Variants in PTPN1 observed in about 807,000 individuals in gnomAD.
The protein encoded by PTPN1 is tyrosine-protein phosphatase non-receptor type 1.
In PTPN1, 12 loss-of-function variants were observed where a neutral mutation model predicts 59.9. That is an observed-to-expected ratio of 0.20 (90% confidence interval 0.13 to 0.32). The LOEUF (loss-of-function observed/expected upper bound fraction) is 0.32. Among genes scored for constraint, PTPN1 ranks in the 10% least tolerant of loss-of-function variants. The pLI is 1.00. For missense variants in PTPN1, 356 were observed against 549.2 expected, an observed-to-expected ratio of 0.65 and a Z score of 3.52; for synonymous variants, 178 against 203.6, an observed-to-expected ratio of 0.87 and a Z score of 1.07.
chr20:50,512,213 A>G (rs1230799522), intron 1 of PTPN1, among the ~76,000 whole-genome samples: 1 of 152,222 alleles, frequency 6.6e-6, no homozygotes, highest in Non-Finnish European at 1.5e-5. Context: ...AATTTTCTGC[A>G]TCAGTTTAAT....
At chr20:50,534,969 A>T (rs2082617874) in intron 1 of PTPN1, among the ~76,000 whole-genome samples, 1 of 152,112 alleles carries the variant, frequency 6.6e-6, no homozygotes, top group Non-Finnish European at 1.5e-5. Flanking sequence ...CTTCAGGCGG[A>T]ACTCCTGCCT....
intron 9 of PTPN1, among the ~76,000 whole-genome samples, chr20:50,581,849 CA>C (rs202045099): frequency 2.0e-5 from 3 of 147,576 alleles, no homozygotes; most frequent in East Asian, 2.0e-4. Flanking sequence ...ATTTCTGGAA[CA>C]AAAAAAAACA....
intron 1 of PTPN1, among the ~76,000 whole-genome samples, chr20:50,560,994 G>C (rs990983259): frequency 2.0e-4 from 30 of 152,182 alleles, no homozygotes; most frequent in African/African-American, 5.8e-4. Flanking sequence ...AAGGCTCTCT[G>C]AGATCTGGGC....
intron 1 of PTPN1, among the ~76,000 whole-genome samples, chr20:50,541,282 C>T (rs1279357281): frequency 1.3e-5 from 2 of 152,184 alleles, no homozygotes; most frequent in Non-Finnish European, 2.9e-5. Flanking sequence ...TTTTGTTTGC[C>T]ATCGTCATCA....
intron 4 of PTPN1, 40 bp from the exon 5 acceptor site, chr20:50,574,477 C>T: frequency 1.9e-6 from 3 of 1,542,998 alleles, no homozygotes; most frequent in African/African-American, 1.4e-5. Context: ...GAAAAACTGC[C>T]ATATTGCTCA....
chr20:50,517,345 C>T (rs2082533116), intron 1 of PTPN1, among the ~76,000 whole-genome samples: 1 of 152,166 alleles, frequency 6.6e-6, no homozygotes, highest in South Asian at 2.1e-4. Context: ...ACCTCCACCT[C>T]CTGGGCTCAA....
At chr20:50,519,727 C>T (rs774578040) in intron 1 of PTPN1, among the ~76,000 whole-genome samples, 3 of 152,282 alleles carry the variant, frequency 2.0e-5, no homozygotes, top group Admixed American at 6.5e-5. Flanking sequence ...ACAGTGTCAT[C>T]GTTTGGCAGT....
In PTPN1 at chr20:50,582,878, G is replaced by A; in HGVS notation, c.*163G>A. ...GCACTAAAACCCATCTTCCCCGGAT[G>A]TGTGTCTCACCCCTCATCCTTTTAC... On this transcript the variant is annotated 3_prime_UTR_variant, in exon 10 of 10. Coordinates refer to ENST00000371621, the MANE Select transcript of PTPN1 (RefSeq NM_002827.4). The surrounding 1 kb of genome is among the most constrained non-coding windows in gnomAD (Gnocchi z 4.2). 1 of 761,202 alleles carries A rather than the reference G, an allele frequency of 1.3e-6. No homozygotes were observed. The highest frequency in any genetic ancestry group is 2.2e-6 in the Non-Finnish European group (1 of 459,814). The allele number at this position is 761,202 out of a possible 1,614,324, so 47.2% of individuals were successfully genotyped here. A position where few individuals can be genotyped will look rare whatever the true frequency, so the allele number is the denominator to read the frequency against.
rs2122804930 is a variant in PTPN1, at chr20:50,579,797, A to G, written c.959A>G (p.His320Arg). 6.2e-7 allele frequency: 1 copy of G among 1,614,108 alleles called. No individual in the cohort carries two copies. Among genetic ancestry groups the G allele is most frequent in the Non-Finnish European group, 8.5e-7 (1 of 1,180,002 alleles). ...PRPPKRILEP[H>R]NGKCREFFPN... ...CCACCCAAACGAATCCTGGAGCCAC[A>G]CAATGGGAAATGCAGGGAGTTCTTC... The change falls in exon 8 of 10, where the codon CAC (histidine) becomes CGC (arginine). Residue 320 changes from histidine (H) to arginine (R), a missense_variant. His to Arg is a conservative substitution (Grantham distance 29). This residue lies in a region of PTPN1 where 100 missense variants were observed against 107.7 expected (regional missense o/e 0.93). Transcript: ENST00000371621.
chr20:50,547,173 G>A (rs2082679240), intron 1 of PTPN1, among the ~76,000 whole-genome samples: 1 of 152,128 alleles, frequency 6.6e-6, no homozygotes, highest in Non-Finnish European at 1.5e-5. Context: ...TTTTTTAAAA[G>A]CAGACACTAT....
chr20:50,514,993 A>G lies in PTPN1; in HGVS notation c.63+4403A>G, dbSNP rs16995271. Among the ~76,000 whole-genome samples, 1,105 of 152,294 alleles carry G rather than the reference A, an allele frequency of 7.3e-3. 12 individuals carry two copies. The highest frequency in any genetic ancestry group is 0.025 in the African/African-American group (1,046 of 41,554). ...TAGTCTAGGTTCTCAGATGTTGCTT[A>G]TGAGCCTGCAATGGTTTCTAGTTTC... On this transcript the variant is annotated intron_variant, in intron 1 of 9. Coordinates refer to ENST00000371621, the MANE Select transcript of PTPN1 (RefSeq NM_002827.4).
rs1222955143 is a variant in PTPN1, at chr20:50,510,520, G to C, written c.-8G>C. The C allele has an allele frequency of 9.0e-6, 14 of 1,549,796 alleles. No individual in the cohort carries two copies. The highest frequency in any genetic ancestry group is 1.2e-5 in the Non-Finnish European group (14 of 1,146,200). On this transcript the variant is annotated 5_prime_UTR_variant, in exon 1 of 10. Transcript: ENST00000371621. The stretch of plus-strand genomic sequence containing the variant: ...GAGAAGGAGGCGCAGCAGCCGCCCT[G>C]GCCCGTCATGGAGATGGAAAAGGAG...
chr20:50,537,090 C>G (rs1228517731), intron 1 of PTPN1, among the ~76,000 whole-genome samples: 1 of 152,134 alleles, frequency 6.6e-6, no homozygotes, highest in East Asian at 1.9e-4. Context: ...TTTGGGAGGC[C>G]GAGGCAGGCA....
chr20:50,540,521 T>C (rs1388462259), intron 1 of PTPN1, among the ~76,000 whole-genome samples: 1 of 152,210 alleles, frequency 6.6e-6, no homozygotes, highest in East Asian at 1.9e-4. Flanking sequence ...TCTGGCCCCG[T>C]GACCCAGACA....
At chr20:50,513,836 G>GA (rs111418350) in intron 1 of PTPN1, among the ~76,000 whole-genome samples, 6 of 151,310 alleles carry the variant, frequency 4.0e-5, no homozygotes, top group East Asian at 1.9e-4. Flanking sequence ...TTCTTCAGAG[G>GA]AAAAAAAACT....
At chr20:50,538,698 T>C (rs2082634836) in intron 1 of PTPN1, among the ~76,000 whole-genome samples, 1 of 152,248 alleles carries the variant, frequency 6.6e-6, no homozygotes, top group Admixed American at 6.5e-5. Context: ...TGTTTTCTAA[T>C]AGTTGCTTCT....
chr20:50,562,055 ATAACT>A (rs1176050024), intron 2 of PTPN1, among the ~76,000 whole-genome samples: 3 of 152,198 alleles, frequency 2.0e-5, no homozygotes, highest in Non-Finnish European at 2.9e-5. Context: ...TGAAAAGTAA[ATAACT>A]TAACATGTTA....
intron 1 of PTPN1, among the ~76,000 whole-genome samples, chr20:50,517,994 G>A (rs1442652065): frequency 6.6e-6 from 1 of 152,166 alleles, no homozygotes; most frequent in Non-Finnish European, 1.5e-5. Context: ...AAGATAAGAT[G>A]AGCATAGCAA....
At chr20:50,529,243 G>T (rs1447132615) in intron 1 of PTPN1, among the ~76,000 whole-genome samples, 1 of 152,180 alleles carries the variant, frequency 6.6e-6, no homozygotes, top group Admixed American at 6.5e-5. Flanking sequence ...GACATCAGTG[G>T]TATGAGAGAG....
Sources: gnomAD v4.1 joint callset for allele counts (sites outside exome capture counted in the v4.1 genomes callset) on GRCh38, gnomAD v4.1.1 for gene constraint, gnomAD v4.1.1 regional missense constraint, Gnocchi (gnomAD v3.1) non-coding constraint, MANE v1.5 for transcripts, NCBI Gene and HGNC (gene_info 2026-07-23, HGNC 2026-07-21) for gene names.